KDM4A: variants seen among roughly 807,000 people sequenced by gnomAD.
The protein encoded by KDM4A is lysine demethylase 4A.
KDM4A carries 23 observed loss-of-function variants against 127.1 expected under a neutral mutation model. The ratio of observed to expected loss-of-function variants is 0.18; its 90% confidence interval spans 0.13 to 0.26. The LOEUF (loss-of-function observed/expected upper bound fraction) is 0.26, where lower values mean the gene tolerates loss of function less well. KDM4A is among the 10% of genes least tolerant of loss of function. The pLI is 1.00. For missense variants in KDM4A, 890 were observed against 1,329.1 expected, an observed-to-expected ratio of 0.67 and a Z score of 5.14; for synonymous variants, 443 against 466.5, an observed-to-expected ratio of 0.95 and a Z score of 0.65.
chr1:43,687,576 T>G (rs1422240566), intron 12 of KDM4A, among the ~76,000 whole-genome samples: 1 of 152,238 alleles, frequency 6.6e-6, no homozygotes, highest in African/African-American at 2.4e-5. Context: ...AACTCTAGCT[T>G]CATACCTCCC....
In KDM4A at chr1:43,694,493, G is replaced by A. The variant is rs1661195775; in HGVS notation, c.2485-216G>A. On this transcript the variant is annotated intron_variant, in intron 17 of 21. Coordinates refer to ENST00000372396, the MANE Select transcript of KDM4A (RefSeq NM_014663.3). This position sits in a 1 kb window ranked among gnomAD's most constrained non-coding sequence, Gnocchi z 5.2. The stretch of plus-strand genomic sequence containing the variant: ...ATTGTGTCACTGCACTCCAGCCTGG[G>A]TGACAGAGCAAGACTCCGTCTCAAA... Among the ~76,000 whole-genome samples, 1 of 150,662 alleles carries A rather than the reference G, an allele frequency of 6.6e-6. No individual in the cohort carries two copies. Among genetic ancestry groups the A allele is most frequent in the Admixed American group, 6.6e-5 (1 of 15,152 alleles).
At chr1:43,697,192 G>C (rs559216903) in intron 18 of KDM4A, among the ~76,000 whole-genome samples, 1 of 152,230 alleles carries the variant, frequency 6.6e-6, no homozygotes, top group Non-Finnish European at 1.5e-5. Flanking sequence ...GAACAGCAAG[G>C]GGGGCCAGCA....
rs529665674 is a variant in KDM4A, at chr1:43,674,930, TAGTGA to T, written c.1734+3063_1734+3067del. Among the ~76,000 whole-genome samples, 3 of 152,206 alleles carry T rather than the reference TAGTGA, an allele frequency of 2.0e-5. No individual in the cohort carries two copies. In the East Asian group the frequency reaches 5.8e-4, roughly 29 times the overall value. On this transcript the variant is annotated intron_variant, in intron 11 of 21. Coordinates refer to ENST00000372396, the MANE Select transcript of KDM4A (RefSeq NM_014663.3). ...CACTCCCTCTCCAAAAGACAGATCC[TAGTGA>T]AGTGAAGCACAGCTTTCAAGGGGGT...
At chr1:43,678,650 C>T (rs1018877360) in intron 11 of KDM4A, among the ~76,000 whole-genome samples, 10 of 147,596 alleles carry the variant, frequency 6.8e-5, no homozygotes, top group African/African-American at 1.0e-4. Context: ...TGCAGTGGTG[C>T]GATCTCAGCT....
chr1:43,687,877 C>A (rs1282339875), intron 12 of KDM4A, among the ~76,000 whole-genome samples: 1 of 152,142 alleles, frequency 6.6e-6, no homozygotes, highest in Non-Finnish European at 1.5e-5. Context: ...CCTTCCCAGG[C>A]CTTAGTGAAG....
chr1:43,678,578 T>G lies in KDM4A; in HGVS notation c.1735-5106T>G, dbSNP rs1399167281. On this transcript the variant is annotated intron_variant, in intron 11 of 21. Coordinates refer to ENST00000372396, the MANE Select transcript of KDM4A (RefSeq NM_014663.3). Reference sequence around the variant, plus strand: ...AGGTGGAGGGACAGGAGGGGATGGCTGCAGATAGGTTTTTTTTTTTTTTTT... The same window carrying G: ...AGGTGGAGGGACAGGAGGGGATGGCGGCAGATAGGTTTTTTTTTTTTTTTT... Among the ~76,000 whole-genome samples the G allele has an allele frequency of 2.1e-5, 3 of 146,340 alleles. No homozygotes were observed. In the East Asian group the frequency reaches 6.0e-4, roughly 29 times the overall value.
rs1201312346 is a variant in KDM4A at position 43,692,372 on chromosome 1, T to C, written c.2375+61T>C. ...CTCAGTTCCGAAGCACACAGTGTCT[T>C]TGTGAGGGTACTAGCTGTTCTTCTG... On this transcript the variant is annotated intron_variant, in intron 16 of 21. Coordinates refer to ENST00000372396, the MANE Select transcript of KDM4A (RefSeq NM_014663.3). 5.0e-6 allele frequency: 7 copies of C among 1,404,976 alleles called. No homozygotes were observed. In the Admixed American group the frequency reaches 1.2e-4, roughly 24 times the overall value. The allele number at this position is 1,404,976 out of a possible 1,614,324, so 87.0% of individuals were successfully genotyped here.
At chr1:43,673,449 ACACT>A (rs1660671868) in intron 11 of KDM4A, among the ~76,000 whole-genome samples, 2 of 151,962 alleles carry the variant, frequency 1.3e-5, no homozygotes, top group East Asian at 1.9e-4. Context: ...GCAGTACTTG[ACACT>A]CAGTCATATT....
chr1:43,703,997 A>C (rs779490205), intron 20 of KDM4A, 23 bp from the exon 21 acceptor site: 11 of 1,604,646 alleles, frequency 6.9e-6, no homozygotes, highest in Middle Eastern at 3.3e-4. Context: ...ATCCTAGCCA[A>C]AAGGCCTTTG....
chr1:43,685,640 C>T (rs1355222884), intron 12 of KDM4A, among the ~76,000 whole-genome samples: 2 of 152,116 alleles, frequency 1.3e-5, no homozygotes, highest in East Asian at 1.9e-4. Context: ...TGGTGGTGAG[C>T]GCCTGTAGTC....
chr1:43,688,800 T>G lies in KDM4A; in HGVS notation c.1856-114T>G. 1 of 876,370 alleles carries G rather than the reference T, an allele frequency of 1.1e-6. No homozygotes were observed. Among genetic ancestry groups the G allele is most frequent in the Non-Finnish European group, 1.7e-6 (1 of 571,778 alleles). 54.3% of individuals were successfully genotyped at this position (876,370 alleles called of 1,614,324 possible). A position where few individuals can be genotyped will look rare whatever the true frequency, so the allele number is the denominator to read the frequency against. On this transcript the variant is annotated intron_variant, in intron 12 of 21. Coordinates refer to ENST00000372396, the MANE Select transcript of KDM4A (RefSeq NM_014663.3). This position sits in a 1 kb window ranked among gnomAD's most constrained non-coding sequence, Gnocchi z 4.4. ...TTTATCATCCTTAGGAATTCAGGAG[T>G]CACCCTTGGTCCAAACCTAGGATCA...
chr1:43,662,944 G>A lies in KDM4A; in HGVS notation c.480G>A (p.Val160=), dbSNP rs1660418455. 6.2e-7 allele frequency: 1 copy of A among 1,614,118 alleles called. No homozygotes were observed. Among genetic ancestry groups the A allele is most frequent in the African/African-American group, 1.3e-5 (1 of 75,052 alleles). Reference sequence around the variant, plus strand: ...GGCTGAGAACAATCCTGGACTTGGTGGAAAAGGAGAGTGGGATCACCATTG... The same window carrying A: ...GGCTGAGAACAATCCTGGACTTGGTAGAAAAGGAGAGTGGGATCACCATTG... ...IGRLRTILDL[V]EKESGITIEG... is the part of the protein sequence containing the mutation. Residue 160 remains valine (V), a synonymous_variant, in exon 5 of 22, where the codon GTG becomes GTA. Transcript: ENST00000372396.
chr1:43,677,590 CT>C (rs1337407500), intron 11 of KDM4A, among the ~76,000 whole-genome samples: 1 of 152,274 alleles, frequency 6.6e-6, no homozygotes, highest in Non-Finnish European at 1.5e-5. Flanking sequence ...GCCTCTCCCC[CT>C]TTTTTCCTCA....
Position 43,692,327 on chromosome 1 carries a change from A to C in KDM4A, c.2375+16A>C, listed in dbSNP as rs751202235. ...ATGATGACAGGTAAGTTTCCTGAGCAGTGCCTTGGAATGCACAGGCTCAGT... is the reference window on the plus strand; with the variant it reads ...ATGATGACAGGTAAGTTTCCTGAGCCGTGCCTTGGAATGCACAGGCTCAGT... On this transcript the variant is annotated intron_variant, in intron 16 of 21. Coordinates refer to ENST00000372396, the MANE Select transcript of KDM4A (RefSeq NM_014663.3). 1 of 1,611,468 alleles carries C rather than the reference A, an allele frequency of 6.2e-7. No individual in the cohort carries two copies. The highest frequency in any genetic ancestry group is 1.7e-5 in the Admixed American group (1 of 60,022).
rs1661157306 is a variant in KDM4A, at chr1:43,693,097, A to C, written c.2375+786A>C. Reference sequence around the variant, plus strand: ...CTCTGCCTGCTGCTTCTGCTCCTTCAAAGGCACTTGCTGCCATTATTTGAG... The same window carrying C: ...CTCTGCCTGCTGCTTCTGCTCCTTCCAAGGCACTTGCTGCCATTATTTGAG... On this transcript the variant is annotated intron_variant, in intron 16 of 21. Coordinates refer to ENST00000372396, the MANE Select transcript of KDM4A (RefSeq NM_014663.3). The surrounding 1 kb of genome is among the most constrained non-coding windows in gnomAD (Gnocchi z 4.2). Among the ~76,000 whole-genome samples the C allele has an allele frequency of 1.3e-5, 2 of 152,172 alleles. No individual in the cohort carries two copies. The highest frequency in any genetic ancestry group is 4.8e-5 in the African/African-American group (2 of 41,448).
intron 6 of KDM4A, chr1:43,666,215 G>A (rs1269618325): frequency 2.0e-6 from 1 of 498,706 alleles, no homozygotes; most frequent in Non-Finnish European, 3.5e-6. Flanking sequence ...AGGCAGCTTG[G>A]GTGACCTTGG....
rs578179190 is a variant in KDM4A at position 43,652,043 on chromosome 1, T to C, written c.-39-1094T>C. On this transcript the variant is annotated intron_variant, in intron 1 of 21. Coordinates refer to ENST00000372396, the MANE Select transcript of KDM4A (RefSeq NM_014663.3). ...AAGGGCTTTTAAATCATGTTACTAA[T>C]ATCAAAGTACTTTTGAACCCTTAAG... 3.3e-5 allele frequency among the ~76,000 whole-genome samples: 5 copies of C among 152,378 alleles called. No individual in the cohort carries two copies. The South Asian group carries it at 1.0e-3, about 32-fold the overall frequency.
At chr1:43,662,617 G>A (rs945248113) in intron 4 of KDM4A, among the ~76,000 whole-genome samples, 2 of 151,960 alleles carry the variant, frequency 1.3e-5, no homozygotes, top group South Asian at 2.1e-4. Flanking sequence ...AAAAACAAAC[G>A]AAAAAACAAA....
At chr1:43,668,968 T>G (rs1660560058) in intron 9 of KDM4A, 132 bp from the exon 10 acceptor site, 1 of 783,330 alleles carries the variant, frequency 1.3e-6, no homozygotes, top group Non-Finnish European at 2.1e-6. Context: ...AAATAAGAGG[T>G]GTCCCTGAGT....
Sources: allele counts gnomAD v4.1 joint callset (sites outside exome capture counted in the v4.1 genomes callset), GRCh38; gene constraint gnomAD v4.1.1; non-coding constraint Gnocchi (gnomAD v3.1); transcripts MANE v1.5; gene names NCBI Gene and HGNC (gene_info 2026-07-23, HGNC 2026-07-21).